Variants in CCNYL1 observed in about 807,000 individuals in gnomAD.
CCNYL1 encodes cyclin-Y-like protein 1.
CCNYL1 carries 16 observed loss-of-function variants against 44.2 expected under a neutral mutation model. The ratio of observed to expected loss-of-function variants is 0.36; its 90% CI spans 0.25 to 0.55. The LOEUF (loss-of-function observed/expected upper bound fraction) is 0.55, where lower values mean the gene tolerates loss of function less well. CCNYL1 is among the 20% of genes least tolerant of loss of function. The pLI, the probability that CCNYL1 is intolerant of heterozygous loss-of-function variation, is 0.85. For synonymous variants in CCNYL1, 159 were observed against 163.2 expected (o/e 0.97, Z 0.20); for missense variants, 348 against 451.8 (o/e 0.77, Z 2.08).
chr2:207,729,475 G>A (rs1370263879), intron 3 of CCNYL1, among the ~76,000 whole-genome samples: 1 of 151,834 alleles, frequency 6.6e-6, no homozygotes, highest in South Asian at 2.1e-4. Flanking sequence ...GCTCTCTCTT[G>A]TTGGAGGCTT....
chr2:207,729,846 G>C (rs1422154637), intron 3 of CCNYL1, among the ~76,000 whole-genome samples: 1 of 151,756 alleles, frequency 6.6e-6, no homozygotes, highest in Non-Finnish European at 1.5e-5. Flanking sequence ...CTCTTGAGTG[G>C]CTGAGATTAC....
chr2:207,716,661 C>T (rs2091597837), intron 1 of CCNYL1, among the ~76,000 whole-genome samples: 1 of 152,144 alleles, frequency 6.6e-6, no homozygotes, highest in African/African-American at 2.4e-5. Context: ...TATGATTGGG[C>T]ATCTTTTCTA....
At chr2:207,747,325 A>G in intron 8 of CCNYL1, 112 bp downstream of exon 8, 2 of 861,250 alleles carry the variant, frequency 2.3e-6, no homozygotes, top group Non-Finnish European at 3.5e-6. Context: ...GATAATGGAA[A>G]TAGGCATAAG....
intron 7 of CCNYL1, 21 bp downstream of exon 7, chr2:207,742,363 A>G (rs752815298): frequency 1.2e-6 from 2 of 1,603,100 alleles, no homozygotes; most frequent in East Asian, 2.2e-5. Context: ...TCTCATTTAT[A>G]AAGTGTCTTT....
rs759965605 is a variant in CCNYL1 at position 207,711,894 on chromosome 2, C to T, written c.-3C>T. 2 of 1,379,304 alleles carry T rather than the reference C, an allele frequency of 1.5e-6. No individual in the cohort carries two copies. The highest frequency in any genetic ancestry group is 1.9e-6 in the Non-Finnish European group (2 of 1,063,312). The allele number at this position is 1,379,304 out of a possible 1,614,324, so 85.4% of individuals were successfully genotyped here. ...CGGTGGCAGAGAGGAGCGGAGGCTT[C>T]CCATGGGGAACACGCTGACCTGTTG... On this transcript the variant is annotated 5_prime_UTR_variant, in exon 1 of 10. Coordinates refer to ENST00000295414, the MANE Select transcript of CCNYL1 (RefSeq NM_001330218.2).
intron 2 of CCNYL1, 132 bp downstream of exon 2, chr2:207,725,006 T>G: frequency 1.5e-6 from 1 of 657,932 alleles, no homozygotes; most frequent in East Asian, 2.8e-5. Flanking sequence ...GTTCACTGAT[T>G]TTAATATGTG....
At chr2:207,718,408 T>G (rs1264140598) in intron 1 of CCNYL1, among the ~76,000 whole-genome samples, 1 of 151,686 alleles carries the variant, frequency 6.6e-6, no homozygotes, top group Non-Finnish European at 1.5e-5. Context: ...CTCAAGAAGC[T>G]GAGGCAGGAG....
intron 1 of CCNYL1, among the ~76,000 whole-genome samples, chr2:207,720,278 A>G (rs1289313158): frequency 2.0e-5 from 3 of 151,724 alleles, no homozygotes; most frequent in Admixed American, 6.6e-5. Context: ...AGAATGACTC[A>G]TGGGCTTCTT....
At chr2:207,750,397 T>C (rs2091883047) in intron 8 of CCNYL1, among the ~76,000 whole-genome samples, 1 of 152,204 alleles carries the variant, frequency 6.6e-6, no homozygotes, top group Admixed American at 6.5e-5. Flanking sequence ...CCCTGTAATG[T>C]AGCTTGCTTA....
chr2:207,747,337 C>A (rs145016116), intron 8 of CCNYL1, 124 bp downstream of exon 8: 1 of 686,658 alleles, frequency 1.5e-6, no homozygotes, highest in East Asian at 2.8e-5. Flanking sequence ...AGGCATAAGA[C>A]TATATCTGTC....
chr2:207,713,925 G>T (rs139349109), intron 1 of CCNYL1, among the ~76,000 whole-genome samples: 1 of 152,306 alleles, frequency 6.6e-6, no homozygotes, highest in African/African-American at 2.4e-5. Flanking sequence ...TTACACACCA[G>T]TTAGTAGATG....
At position 207,754,584 on chromosome 2, in the gene CCNYL1, A is replaced by G. The variant is rs1395783991; in HGVS notation, c.*886A>G. 1 of 152,488 alleles carries G rather than the reference A, an allele frequency of 6.6e-6. No homozygotes were observed. The highest frequency in any genetic ancestry group is 2.4e-5 in the African/African-American group (1 of 41,452). 9.4% of individuals were successfully genotyped at this position (152,488 alleles called of 1,614,324 possible). A position where few individuals can be genotyped will look rare whatever the true frequency, so the allele number is the denominator to read the frequency against. On this transcript the variant is annotated 3_prime_UTR_variant, in exon 10 of 10. Transcript: ENST00000295414. ...CTGCAGCATGAGTATAAATGCTATA[A>G]ACCTTTAAAAAACATGATTTGAAAG...
intron 1 of CCNYL1, among the ~76,000 whole-genome samples, 163 bp downstream of exon 1, chr2:207,712,279 C>G (rs1463394735): frequency 1.3e-5 from 2 of 152,218 alleles, no homozygotes; most frequent in African/African-American, 2.4e-5. Context: ...TATTCTTGCC[C>G]TGCTGCGTCT....
intron 6 of CCNYL1, 54 bp from the exon 7 acceptor site, chr2:207,742,168 AG>A: frequency 4.0e-6 from 6 of 1,489,136 alleles, no homozygotes; most frequent in Admixed American, 2.2e-5. Flanking sequence ...AAAAAAAAAA[AG>A]CTTAAAATTT....
intron 6 of CCNYL1, 147 bp from the exon 7 acceptor site, chr2:207,742,076 G>C (rs544610920): frequency 5.7e-5 from 35 of 619,432 alleles, no homozygotes; most frequent in South Asian, 3.4e-4. Context: ...ACTTAAACCC[G>C]GGGGGTAGAG....
chr2:207,738,440 T>G (rs960350327), intron 5 of CCNYL1, among the ~76,000 whole-genome samples: 1 of 152,094 alleles, frequency 6.6e-6, no homozygotes, highest in African/African-American at 2.4e-5. Context: ...AGGCTGGTCT[T>G]GAACTCCCGA....
At chr2:207,718,249 C>G (rs912764145) in intron 1 of CCNYL1, among the ~76,000 whole-genome samples, 4 of 152,082 alleles carry the variant, frequency 2.6e-5, no homozygotes, top group African/African-American at 9.7e-5. Context: ...TGGCTCATGC[C>G]TATAATCCCA....
Position 207,742,349 on chromosome 2 carries a change from T to C in CCNYL1, c.639+7T>C. The C allele has an allele frequency of 6.2e-7, 1 of 1,607,800 alleles. No individual in the cohort carries two copies. Among genetic ancestry groups the C allele is most frequent in the Non-Finnish European group, 8.5e-7 (1 of 1,177,318 alleles). On this transcript the variant is annotated splice_region_variant and intron_variant, in intron 7 of 9. Coordinates refer to ENST00000295414, the MANE Select transcript of CCNYL1 (RefSeq NM_001330218.2). ...ATGTGCAATAGTAACTTTGGTAAGA[T>C]ATTTCTCATTTATAAAGTGTCTTTA...
Position 207,712,019 on chromosome 2 carries a change from G to T in CCNYL1, c.123G>T (p.Val41=). Reference sequence around the variant, plus strand: ...ACGAGGCGGTGTCCGGGGACGCGGTGGCGGTAGCGCCCGCTGTGGTGGAGC... The same window carrying T: ...ACGAGGCGGTGTCCGGGGACGCGGTTGCGGTAGCGCCCGCTGTGGTGGAGC... ...DIYEAVSGDA[V]AVAPAVVEPA... The change falls in exon 1 of 10, where the codon GTG becomes GTT. Residue 41 remains valine, a synonymous_variant. Transcript: ENST00000295414. 6.7e-7 allele frequency: 1 copy of T among 1,493,780 alleles called. No homozygotes were observed. 92.5% of individuals were successfully genotyped at this position (1,493,780 alleles called of 1,614,324 possible). A position where few individuals can be genotyped will look rare whatever the true frequency, so the allele number is the denominator to read the frequency against.
Sources: gnomAD v4.1 joint callset for allele counts (sites outside exome capture counted in the v4.1 genomes callset) on GRCh38, gnomAD v4.1.1 for gene constraint, MANE v1.5 for transcripts, NCBI Gene and HGNC (gene_info 2026-07-23, HGNC 2026-07-21) for gene names.